The following AZU1 variants were observed in gnomAD, a reference collection of about 807,000 sequenced individuals.
The protein encoded by AZU1 is azurocidin 1.
AZU1 carries 21 observed loss-of-function variants against 17.8 expected under a neutral mutation model. The observed-to-expected ratio is 1.18, with a 90% confidence interval of 0.84 to 1.70. The LOEUF (loss-of-function observed/expected upper bound fraction) is 1.70. AZU1 is among the 40% of genes most tolerant of loss of function. The probability of loss-of-function intolerance (pLI) is 0.00; values close to 1 mark genes in which losing one functional copy is unlikely to be tolerated. For synonymous variants in AZU1, 178 were observed against 155.2 expected (o/e 1.15, Z -1.09); for missense variants, 379 against 362.9 (o/e 1.04, Z -0.36).
Position 828,354 on chromosome 19 carries a change from C to T in AZU1, c.183C>T (p.Phe61=), listed in dbSNP as rs1280210431. 6.9e-6 allele frequency: 11 copies of T among 1,594,410 alleles called. No individual in the cohort carries two copies. Among genetic ancestry groups the T allele is most frequent in the African/African-American group, 1.3e-5 (1 of 74,144 alleles). The change falls in exon 2 of 5, where the codon TTC becomes TTT. Residue 61 remains phenylalanine, a synonymous_variant. Coordinates refer to ENST00000233997, the MANE Select transcript of AZU1 (RefSeq NM_001700.5). ...GGGGTGCCCTGATCCATGCCCGCTT[C>T]GTGATGACCGCGGCCAGCTGCTTCC... The part of the protein sequence containing the change: ...FCGGALIHAR[F]VMTAASCFQS...
chr19:831,723 G>T lies in AZU1; in HGVS notation c.602G>T (p.Gly201Val). The T allele has an allele frequency of 6.2e-7, 1 of 1,605,364 alleles. No individual in the cohort carries two copies. The highest frequency in any genetic ancestry group is 2.2e-5 in the East Asian group (1 of 44,654). ...CAGCTGCTGCCTGCCCAGGGGGACG[G>T]GGGCACCCCCCTCGTCTGCGAGGGC... The part of the protein sequence containing the change: ...TRRGGICNGD[G>V]GTPLVCEGLA... The change falls in exon 5 of 5, where the codon GGG becomes GTG. Residue 201 changes from glycine (G) to valine (V), a missense_variant. By Grantham distance (109) the Gly-to-Val change is moderately radical (BLOSUM62 -3). Coordinates refer to ENST00000233997, the MANE Select transcript of AZU1 (RefSeq NM_001700.5).
In AZU1 at chr19:830,952, C is replaced by G; in HGVS notation, c.594+11C>G. On this transcript the variant is annotated intron_variant, in intron 4 of 4. Coordinates refer to ENST00000233997, the MANE Select transcript of AZU1 (RefSeq NM_001700.5). ...GGTGGCATCTGCAATGTGAGTGCTCCCTGTGGCGGGAGGAGGGGTCCTGAG... is the reference window on the plus strand; with the variant it reads ...GGTGGCATCTGCAATGTGAGTGCTCGCTGTGGCGGGAGGAGGGGTCCTGAG... 1 of 1,598,148 alleles carries G rather than the reference C, an allele frequency of 6.3e-7. No individual in the cohort carries two copies. The highest frequency in any genetic ancestry group is 8.5e-7 in the Non-Finnish European group (1 of 1,178,604).
chr19:830,423 A>C (rs1350484000), intron 3 of AZU1, among the ~76,000 whole-genome samples: 1 of 152,152 alleles, frequency 6.6e-6, no homozygotes, highest in African/African-American at 2.4e-5. Flanking sequence ...GAAAATGATA[A>C]AATTATCTCA....
Position 831,997 on chromosome 19 carries a change from A to C in AZU1, c.*120A>C. On this transcript the variant is annotated 3_prime_UTR_variant, in exon 5 of 5. Transcript: ENST00000233997. ...GGCCAGAGGGGCCCTGGCTGTAATAAAGAAGCCGATCTCTCCTCTGCTCCT... is the reference window on the plus strand; with the variant it reads ...GGCCAGAGGGGCCCTGGCTGTAATACAGAAGCCGATCTCTCCTCTGCTCCT... 2.4e-6 allele frequency: 3 copies of C among 1,245,190 alleles called. No individual in the cohort carries two copies. The highest frequency in any genetic ancestry group is 3.3e-6 in the Non-Finnish European group (3 of 908,442). 77.1% of individuals were successfully genotyped at this position (1,245,190 alleles called of 1,614,324 possible).
At position 830,880 on chromosome 19, in the gene AZU1, AC is replaced by A; in HGVS notation, c.535del (p.Gln179SerfsTer?). 1 of 1,606,404 alleles carries A rather than the reference AC, an allele frequency of 6.2e-7. No homozygotes were observed. Among genetic ancestry groups the A allele is most frequent in the Non-Finnish European group, 8.5e-7 (1 of 1,179,938 alleles). On this transcript the variant is annotated frameshift_variant, in exon 4 of 5. Transcript: ENST00000233997. LOFTEE classifies it high-confidence loss of function. ...GTCAACGTGACTGTGACCCCCGAGG[AC>A]CAGTGTCGCCCCAACAACGTGTGCA... The part of the protein sequence containing the change: ...RFVNVTVTPE[D>X]QCRPNNVCTG...
chr19:831,302 A>G, intron 4 of AZU1: 1 of 308,634 alleles, frequency 3.2e-6, no homozygotes. Context: ...CTGGTCTCGA[A>G]CTCCTGACCT....
chr19:829,786 C>G (rs940867531), intron 3 of AZU1, 80 bp downstream of exon 3: 68 of 1,533,372 alleles, frequency 4.4e-5, no homozygotes, highest in Non-Finnish European at 6.0e-5. Flanking sequence ...AACTTGGTCT[C>G]TACAAAAAAA....
At chr19:829,934 A>ATGTGTGTGTGTG (rs1240559729) in intron 3 of AZU1, among the ~76,000 whole-genome samples, 2 of 120,306 alleles carry the variant, frequency 1.7e-5, no homozygotes, top group Non-Finnish European at 3.3e-5. Flanking sequence ...ACAAAAATAT[A>ATGTGTGTGTGTG]TATGTGTGTG....
rs1284750020 is a variant in AZU1, at chr19:831,247, A to G, written c.594+306A>G. 3 of 380,956 alleles carry G rather than the reference A, an allele frequency of 7.9e-6. No individual in the cohort carries two copies. The East Asian group carries it at 1.4e-4, about 18-fold the overall frequency. 23.6% of individuals were successfully genotyped at this position (380,956 alleles called of 1,614,324 possible). ...AGGCATGCGCCACCACGCCCGGCTAATTTTGTATTTTTAGTAGAGACAGGG... is the reference window on the plus strand; with the variant it reads ...AGGCATGCGCCACCACGCCCGGCTAGTTTTGTATTTTTAGTAGAGACAGGG... On this transcript the variant is annotated intron_variant, in intron 4 of 4. Transcript: ENST00000233997.
At chr19:829,521 G>C in intron 2 of AZU1, 41 bp from the exon 3 acceptor site, 1 of 1,603,756 alleles carries the variant, frequency 6.2e-7, no homozygotes, top group African/African-American at 1.3e-5. Context: ...CCAGGCCCCA[G>C]CCTGGTGTCC....
At chr19:829,749 C>T (rs2035264054) in intron 3 of AZU1, 43 bp downstream of exon 3, 1 of 1,593,152 alleles carries the variant, frequency 6.3e-7, no homozygotes, top group Non-Finnish European at 8.6e-7. Flanking sequence ...CCTCGGGAGG[C>T]CGACGTTAGC....
Position 829,612 on chromosome 19 carries a change from G to A in AZU1, c.266G>A (p.Arg89Gln), listed in dbSNP as rs148652041. 1.6e-4 allele frequency: 253 copies of A among 1,613,318 alleles called. No individual in the cohort carries two copies. The highest frequency in any genetic ancestry group is 6.2e-4 in the Admixed American group (37 of 59,992). ...VVLGAYDLRR[R>Q]ERQSRQTFSI... ...CTGGGTGCCTATGACCTGAGGCGGC[G>A]GGAGAGGCAGTCCCGCCAGACGTTT... The change falls in exon 3 of 5, where the codon CGG (arginine) becomes CAG (glutamine). Residue 89 changes from arginine (R) to glutamine (Q), a missense_variant. Physicochemically the swap from Arg to Gln is conservative, Grantham distance 43. Transcript: ENST00000233997.
chr19:831,475 G>A, intron 4 of AZU1: 1 of 536,194 alleles, frequency 1.9e-6, no homozygotes, highest in African/African-American at 1.9e-5. Flanking sequence ...AGGGACTCAG[G>A]CGTGTGATTG....
At chr19:828,119 G>A (rs535625950) in intron 1 of AZU1, 111 bp from the exon 2 acceptor site, 30 of 1,355,408 alleles carry the variant, frequency 2.2e-5, no homozygotes, top group African/African-American at 5.8e-5. Flanking sequence ...GGGGAGGGTG[G>A]GTCCCCCCGC....
intron 2 of AZU1, 69 bp downstream of exon 2, chr19:828,455 A>C: frequency 8.1e-7 from 1 of 1,237,262 alleles, no homozygotes; most frequent in Non-Finnish European, 1.1e-6. Flanking sequence ...GGGCTTAGGC[A>C]TTCAGTGGGG....
intron 2 of AZU1, 83 bp downstream of exon 2, chr19:828,469 C>A: frequency 8.1e-7 from 1 of 1,229,134 alleles, no homozygotes; most frequent in Non-Finnish European, 1.1e-6. Flanking sequence ...AGTGGGGGTG[C>A]TTGGTAGGTG....
At position 831,754 on chromosome 19, in the gene AZU1, C is replaced by T. The variant is rs1437701027; in HGVS notation, c.633C>T (p.Ala211=). The change falls in exon 5 of 5, where the codon GCC becomes GCT. Residue 211 remains alanine (A), a synonymous_variant. Transcript: ENST00000233997. The part of the protein sequence containing the change: ...GGTPLVCEGL[A]HGVASFSLGP... The stretch of plus-strand genomic sequence containing the variant: ...CCCCCCTCGTCTGCGAGGGCCTGGC[C>T]CACGGCGTGGCCTCCTTTTCCCTGG... 13 of 1,612,034 alleles carry T rather than the reference C, an allele frequency of 8.1e-6. No homozygotes were observed. Among genetic ancestry groups the T allele is most frequent in the African/African-American group, 1.3e-5 (1 of 74,918 alleles).
intron 1 of AZU1, 102 bp from the exon 2 acceptor site, chr19:828,128 G>A (rs943891391): frequency 5.7e-6 from 8 of 1,400,850 alleles, no homozygotes; most frequent in Admixed American, 2.1e-5. Context: ...GGGTCCCCCC[G>A]CAGCCCCACT....
intron 4 of AZU1, 92 bp from the exon 5 acceptor site, chr19:831,624 T>A (rs2035288572): frequency 7.4e-7 from 1 of 1,359,096 alleles, no homozygotes; most frequent in Non-Finnish European, 9.8e-7. Context: ...TCAGGACTTG[T>A]AGGTTCCAGG....
Sources: allele counts gnomAD v4.1 joint callset (sites outside exome capture counted in the v4.1 genomes callset), GRCh38; gene constraint gnomAD v4.1.1; transcripts MANE v1.5; gene names NCBI Gene and HGNC (gene_info 2026-07-23, HGNC 2026-07-21).